The following BRWD1 variants were observed in gnomAD, a reference collection of about 807,000 sequenced individuals.
BRWD1 encodes the protein bromodomain and WD repeat-containing protein 1.
In BRWD1, 82 loss-of-function variants were observed where a neutral mutation model predicts 251.2. That is an observed-to-expected ratio of 0.33 (90% CI 0.27 to 0.39). The LOEUF is 0.39. BRWD1 is among the 10% of genes least tolerant of loss of function. The pLI, the probability that BRWD1 is intolerant of heterozygous loss-of-function variation, is 1.00. For synonymous variants in BRWD1, 918 were observed against 902.8 expected, an observed-to-expected ratio of 1.02 and a Z score of -0.30; for missense variants, 2,233 against 2,711.6, an observed-to-expected ratio of 0.82 and a Z score of 3.92.
chr21:39,288,584 G>A (rs1359169228), intron 8 of BRWD1, among the ~76,000 whole-genome samples: 1 of 152,184 alleles, frequency 6.6e-6, no homozygotes. Context: ...CCCCCAGGCA[G>A]TTGAAAATCC....
chr21:39,201,798 A>T (rs1040831158), intron 38 of BRWD1, among the ~76,000 whole-genome samples: 2 of 152,220 alleles, frequency 1.3e-5, no homozygotes, highest in Non-Finnish European at 2.9e-5. Context: ...ATTTATTGAA[A>T]TACTAGGTAA....
chr21:39,318,722 G>A (rs2036721497), upstream of BRWD1, among the ~76,000 whole-genome samples: 1 of 152,092 alleles, frequency 6.6e-6, no homozygotes, highest in Admixed American at 6.6e-5. Flanking sequence ...AGAGCTCACT[G>A]CAGCCTCGCA....
chr21:39,267,853 G>C (rs541947626), intron 15 of BRWD1, among the ~76,000 whole-genome samples: 4 of 152,064 alleles, frequency 2.6e-5, no homozygotes, highest in East Asian at 3.9e-4. Context: ...TCTCAGACAG[G>C]CTGAATTTAT....
At chr21:39,287,661 T>C (rs68004583) in intron 8 of BRWD1, among the ~76,000 whole-genome samples, 50,006 of 152,034 alleles carry the variant, frequency 0.33, 8,740 homozygotes, top group Middle Eastern at 0.37. Flanking sequence ...AACAATGTGT[T>C]TTTTACCAGT....
intron 31 of BRWD1, chr21:39,216,836 G>A (rs941122736): frequency 1.3e-4 from 28 of 214,428 alleles, no homozygotes; most frequent in Non-Finnish European, 2.3e-4. Context: ...TTGTTACACA[G>A]GGAAACTTGT....
At chr21:39,217,037 A>T (rs1340160947) in intron 31 of BRWD1, 4 of 17,448 alleles carry the variant, frequency 2.3e-4, no homozygotes, top group African/African-American at 7.8e-4. Context: ...ATATATATAA[A>T]TATATATATA....
intron 36 of BRWD1, chr21:39,209,770 T>C (rs1183214019): frequency 1.3e-5 from 5 of 374,082 alleles, no homozygotes; most frequent in African/African-American, 4.1e-5. Context: ...TTATAAAATT[T>C]GAGGAGATTA....
chr21:39,214,880 C>CTTTTTTTTTTTTTTTTTTTTTTTTT (rs11337511), intron 32 of BRWD1, among the ~76,000 whole-genome samples: 1 of 117,568 alleles, frequency 8.5e-6, no homozygotes, highest in Non-Finnish European at 1.8e-5. Context: ...TTTTTTTTTC[C>CTTTTTTTTTTTTTTTTTTTTTTTTT]TTTTTTTTTT....
intron 12 of BRWD1, among the ~76,000 whole-genome samples, chr21:39,275,781 C>T (rs1045988809): frequency 2.6e-5 from 4 of 152,096 alleles, no homozygotes; most frequent in Non-Finnish European, 5.9e-5. Flanking sequence ...GCCTGTAATC[C>T]CAGCACTTTA....
rs545803213 is a variant in BRWD1 at position 39,313,199 on chromosome 21, T to G, written c.108+42A>C. 1.2e-4 allele frequency: 183 copies of G among 1,516,386 alleles called. No homozygotes were observed. The Middle Eastern group carries it at 2.1e-3, about 17-fold the overall frequency. The allele number at this position is 1,516,386 out of a possible 1,614,324, so 93.9% of individuals were successfully genotyped here. On this transcript the variant is annotated intron_variant, in intron 2 of 40. Transcript: ENST00000342449. ...CCGCGACCCCCGGCGGCGGGGACAC[T>G]GGGGACGCCAAGTCCGCAGCCGCCC...
chr21:39,250,681 TAAGC>T, intron 20 of BRWD1, 111 bp downstream of exon 20: 1 of 663,776 alleles, frequency 1.5e-6, no homozygotes, highest in Non-Finnish European at 2.5e-6. Context: ...CAGAAAACCT[TAAGC>T]AAGAAATACT....
chr21:39,210,952 A>G, intron 34 of BRWD1, 23 bp from the exon 35 acceptor site: 1 of 1,603,946 alleles, frequency 6.2e-7, no homozygotes. Flanking sequence ...TCACAGTCTT[A>G]AGAAAAATCA....
chr21:39,250,052 C>G (rs2034344194), intron 20 of BRWD1, among the ~76,000 whole-genome samples: 1 of 151,938 alleles, frequency 6.6e-6, no homozygotes, highest in African/African-American at 2.4e-5. Flanking sequence ...AAATCACAGA[C>G]TAACTCATGA....
rs1320238592 is a variant in BRWD1, at chr21:39,189,542, AC to A, written c.*6716del. On this transcript the variant is annotated 3_prime_UTR_variant, in exon 41 of 41. Coordinates refer to ENST00000342449, the MANE Select transcript of BRWD1 (RefSeq NM_033656.4). ...ACTTAAGGAAATTTGAACTTCAGTA[AC>A]TATGCCCAAGGGAGGGAGAATTTGA... The A allele has an allele frequency of 4.1e-6, 4 of 983,814 alleles. No homozygotes were observed. The highest frequency in any genetic ancestry group is 1.7e-5 in the African/African-American group (1 of 57,202). 60.9% of individuals were successfully genotyped at this position (983,814 alleles called of 1,614,324 possible). A position where few individuals can be genotyped will look rare whatever the true frequency, so the allele number is the denominator to read the frequency against.
rs146743788 is a variant in BRWD1, at chr21:39,222,119, T to C, written c.3382+2289A>G. Among the ~76,000 whole-genome samples the C allele has an allele frequency of 2.8e-3, 423 of 152,108 alleles. 4 individuals carry two copies. The highest frequency in any genetic ancestry group is 6.8e-3 in the Middle Eastern group (2 of 294). ...CTGTTGCTGGAAATGTAAAATGGTA[T>C]ACCTGCTCCAAAAAAACCATTTGTC... On this transcript the variant is annotated intron_variant, in intron 29 of 40. Coordinates refer to ENST00000342449, the MANE Select transcript of BRWD1 (RefSeq NM_033656.4).
chr21:39,244,937 T>TATATATATATATATATATAC (rs2034131427), intron 21 of BRWD1, among the ~76,000 whole-genome samples: 1 of 145,280 alleles, frequency 6.9e-6, no homozygotes, highest in Admixed American at 6.9e-5. Flanking sequence ...TATATATATA[T>TATATATATATATATATATAC]ATATATATGC....
rs571446679 is a variant in BRWD1, at chr21:39,186,320, T to C, written c.*9939A>G. 6.6e-6 allele frequency: 1 copy of C among 152,200 alleles called. No homozygotes were observed. The highest frequency in any genetic ancestry group is 1.5e-5 in the Non-Finnish European group (1 of 68,036). 9.4% of individuals were successfully genotyped at this position (152,200 alleles called of 1,614,324 possible). ...ATAGAAAAATATATATTCCCTGAAT[T>C]AGTCATATCAAGTGGTCATTCAGTA... On this transcript the variant is annotated 3_prime_UTR_variant, in exon 41 of 41. Transcript: ENST00000342449.
chr21:39,268,442 CAA>C (rs35682732), intron 15 of BRWD1, among the ~76,000 whole-genome samples: 87 of 109,202 alleles, frequency 8.0e-4, no homozygotes, highest in Non-Finnish European at 8.5e-4. Context: ...ACTCCATCTC[CAA>C]AAAAAAAAAA....
Position 39,199,322 on chromosome 21 carries a change from T to G in BRWD1, c.5094A>C (p.Gln1698His), listed in dbSNP as rs181606658. The G allele has an allele frequency of 1.4e-5, 22 of 1,614,204 alleles. No homozygotes were observed. The highest frequency in any genetic ancestry group is 1.9e-5 in the Non-Finnish European group (22 of 1,180,036). The change falls in exon 40 of 41, where the codon CAA (glutamine) becomes CAC (histidine). Residue 1698 changes from glutamine to histidine, a missense_variant. Around this residue, in one of 12 missense-constraint regions of BRWD1, gnomAD observed 928 missense variants for 970.0 expected, o/e 0.96. Coordinates refer to ENST00000342449, the MANE Select transcript of BRWD1 (RefSeq NM_033656.4). ...TGTGAGAACTGGACACTGGTAATAG[T>G]TGATTTTCATCTTTTAGCTCCTCTT... ...IEEEELKDEN[Q>H]LLPVSSSHTA...
Sources: gnomAD v4.1 joint callset for allele counts (sites outside exome capture counted in the v4.1 genomes callset) on GRCh38, gnomAD v4.1.1 for gene constraint, gnomAD v4.1.1 regional missense constraint, MANE v1.5 for transcripts, NCBI Gene and HGNC (gene_info 2026-07-23, HGNC 2026-07-21) for gene names.